Variants in SMCHD1 observed in about 807,000 individuals in gnomAD.
The protein encoded by SMCHD1 is structural maintenance of chromosomes flexible hinge domain containing 1.
In SMCHD1, 78 loss-of-function variants were observed where a neutral mutation model predicts 254.7. The ratio of observed to expected loss-of-function variants is 0.31; its 90% CI spans 0.26 to 0.37. The LOEUF is 0.37. SMCHD1 is among the 10% of genes least tolerant of loss of function. SMCHD1 has a pLI of 1.00. For synonymous variants in SMCHD1, 766 were observed against 794.9 expected (o/e 0.96, Z 0.61); for missense variants, 1,840 against 2,408.1 (o/e 0.76, Z 4.94).
chr18:2,738,384 C>G lies in SMCHD1; in HGVS notation c.3277-13C>G, dbSNP rs1192315421. The G allele has an allele frequency of 1.9e-6, 3 of 1,565,846 alleles. No homozygotes were observed. The South Asian group carries it at 3.5e-5, about 18-fold the overall frequency. On this transcript the variant is annotated splice_polypyrimidine_tract_variant and intron_variant, in intron 25 of 47. Coordinates refer to ENST00000320876, the MANE Select transcript of SMCHD1 (RefSeq NM_015295.3). Reference sequence around the variant, plus strand: ...GAAGCTTTATTATTGTTAAATATCTCTTTTTCTCCTAGGTTAATTGGACTC... The same window carrying G: ...GAAGCTTTATTATTGTTAAATATCTGTTTTTCTCCTAGGTTAATTGGACTC...
intron 17 of SMCHD1, among the ~76,000 whole-genome samples, chr18:2,710,968 T>G (rs572563185): frequency 1.1e-4 from 16 of 152,158 alleles, no homozygotes; most frequent in Non-Finnish European, 1.6e-4. Context: ...GTTGATTGGT[T>G]GTTTTTTGTT....
At position 2,793,656 on chromosome 18, in the gene SMCHD1, C is replaced by CAAAAAAAAAAAA. The variant is rs1277905569; in HGVS notation, c.5720-2289_5720-2278dup. 1.2e-3 allele frequency among the ~76,000 whole-genome samples: 53 copies of CAAAAAAAAAAAA among 43,840 alleles called. 3 individuals carry two copies. The highest frequency in any genetic ancestry group is 3.5e-3 in the African/African-American group (37 of 10,454). 28.8% of individuals were successfully genotyped at this position (43,840 alleles called of 152,430 possible). On this transcript the variant is annotated intron_variant, in intron 45 of 47. Coordinates refer to ENST00000320876, the MANE Select transcript of SMCHD1 (RefSeq NM_015295.3). The stretch of plus-strand genomic sequence containing the variant: ...CTCCAGCCTGGGCGAGACTCCGTCT[C>CAAAAAAAAAAAA]AAAAAAAAAAAAAAAGAAAGAAAAC...
At chr18:2,711,481 CT>C (rs752950626) in intron 17 of SMCHD1, among the ~76,000 whole-genome samples, 83 of 112,458 alleles carry the variant, frequency 7.4e-4, no homozygotes, top group African/African-American at 1.7e-3. Context: ...GGATGTTTGT[CT>C]TTTTTTTTTT....
intron 14 of SMCHD1, 148 bp from the exon 15 acceptor site, chr18:2,706,213 CATT>C (rs1277302503): frequency 2.0e-6 from 1 of 507,128 alleles, no homozygotes; most frequent in African/African-American, 2.0e-5. Flanking sequence ...TATAAACAAA[CATT>C]GTGGTGTAAC....
intron 5 of SMCHD1, among the ~76,000 whole-genome samples, chr18:2,681,082 A>G (rs551382759): frequency 6.6e-6 from 1 of 152,252 alleles, no homozygotes; most frequent in East Asian, 1.9e-4. Flanking sequence ...CTTATGCAAC[A>G]TGAGAACCCA....
chr18:2,747,081 A>G (rs941408438), intron 29 of SMCHD1, among the ~76,000 whole-genome samples: 1 of 152,224 alleles, frequency 6.6e-6, no homozygotes, highest in Admixed American at 6.5e-5. Context: ...GCCAATGCTA[A>G]ATCTGAGAAC....
intron 37 of SMCHD1, among the ~76,000 whole-genome samples, chr18:2,768,166 A>T (rs1013676356): frequency 1.1e-4 from 17 of 151,058 alleles, no homozygotes; most frequent in Non-Finnish European, 2.2e-4. Context: ...AAATCAATTA[A>T]AAAAAAAAGA....
intron 25 of SMCHD1, among the ~76,000 whole-genome samples, chr18:2,737,447 G>A (rs1171002420): frequency 6.6e-6 from 1 of 152,166 alleles, no homozygotes; most frequent in African/African-American, 2.4e-5. Context: ...AAGGCCAGAT[G>A]TGGTGGCTCA....
intron 45 of SMCHD1, among the ~76,000 whole-genome samples, chr18:2,795,333 A>T (rs1402477932): frequency 6.6e-6 from 1 of 152,224 alleles, no homozygotes; most frequent in African/African-American, 2.4e-5. Flanking sequence ...TGCTGGGATT[A>T]CAGGCGTGAA....
chr18:2,724,092 G>T (rs984210261), intron 20 of SMCHD1, among the ~76,000 whole-genome samples: 1 of 148,870 alleles, frequency 6.7e-6, no homozygotes, highest in African/African-American at 2.5e-5. Context: ...GAAAGTAGGT[G>T]TATATGTTTA....
chr18:2,796,005 C>T lies in SMCHD1; in HGVS notation c.5776C>T (p.Leu1926Phe). 6.3e-7 allele frequency: 1 copy of T among 1,597,814 alleles called. No homozygotes were observed. Among genetic ancestry groups the T allele is most frequent in the African/African-American group, 1.3e-5 (1 of 74,870 alleles). The part of the protein sequence containing the change: ...VCKLDSVNKD[L>F]NSQLEYLRTP... ...CAAACTAGACAGTGTGAATAAGGAT[C>T]TTAACAGTCAATTAGAGTACCTTCG... Residue 1926 changes from leucine (L) to phenylalanine (F), a missense_variant, in exon 46 of 48, where the codon CTT (leucine) becomes TTT (phenylalanine). Coordinates refer to ENST00000320876, the MANE Select transcript of SMCHD1 (RefSeq NM_015295.3).
At chr18:2,704,263 A>G (rs2074465341) in intron 13 of SMCHD1, among the ~76,000 whole-genome samples, 1 of 152,188 alleles carries the variant, frequency 6.6e-6, no homozygotes, top group East Asian at 1.9e-4. Flanking sequence ...AACTATTGCC[A>G]GAGGCTCAAT....
chr18:2,664,112 A>C (rs2073371674), intron 1 of SMCHD1, among the ~76,000 whole-genome samples: 1 of 152,186 alleles, frequency 6.6e-6, no homozygotes, highest in African/African-American at 2.4e-5. Context: ...TCCAGATTCA[A>C]GTTAATAGGA....
chr18:2,679,943 T>C (rs2073887521), intron 5 of SMCHD1, among the ~76,000 whole-genome samples: 1 of 152,142 alleles, frequency 6.6e-6, no homozygotes, highest in African/African-American at 2.4e-5. Context: ...TACCTTCAAG[T>C]TTATGGATTC....
Position 2,771,604 on chromosome 18 carries a change from C to A in SMCHD1, c.5038C>A (p.Pro1680Thr). 1 of 1,563,596 alleles carries A rather than the reference C, an allele frequency of 6.4e-7. No individual in the cohort carries two copies. Among genetic ancestry groups the A allele is most frequent in the South Asian group, 1.2e-5 (1 of 80,890 alleles). ...ACTAAAAATACATAATATTGACATT[C>A]CTACAACACAACAGGTACAGCTTCC... is the stretch of plus-strand genomic sequence containing the variant. ...NELKIHNIDI[P>T]TTQQVPHIEA... Residue 1680 changes from proline (P) to threonine (T), a missense_variant, in exon 40 of 48, where the codon CCT becomes ACT. Physicochemically the swap from Pro to Thr is conservative, Grantham distance 38. This residue lies in a region of SMCHD1 where 881 missense variants were observed against 1,009.5 expected (regional missense o/e 0.87). Transcript: ENST00000320876.
intron 19 of SMCHD1, among the ~76,000 whole-genome samples, chr18:2,720,586 G>C (rs2074903610): frequency 6.6e-6 from 1 of 152,118 alleles, no homozygotes; most frequent in South Asian, 2.1e-4. Flanking sequence ...TGGCTATTCA[G>C]ATTCCCCGGA....
intron 34 of SMCHD1, among the ~76,000 whole-genome samples, chr18:2,754,116 T>C (rs184385682): frequency 6.6e-6 from 1 of 152,352 alleles, no homozygotes; most frequent in East Asian, 1.9e-4. Flanking sequence ...TGTGGCTTGC[T>C]TTCTCATTTT....
chr18:2,796,573 G>T, intron 47 of SMCHD1, 52 bp downstream of exon 47: 1 of 1,200,990 alleles, frequency 8.3e-7, no homozygotes, highest in Non-Finnish European at 1.2e-6. Context: ...CAAAGTTCTT[G>T]GGTCTCATGA....
intron 3 of SMCHD1, among the ~76,000 whole-genome samples, chr18:2,668,948 C>G (rs1363732429): frequency 1.3e-5 from 2 of 151,812 alleles, no homozygotes; most frequent in Non-Finnish European, 2.9e-5. Flanking sequence ...GACCATAGCA[C>G]ACTGTAGCCT....
Sources: allele counts gnomAD v4.1 joint callset (sites outside exome capture counted in the v4.1 genomes callset), GRCh38; gene constraint gnomAD v4.1.1; regional missense constraint gnomAD v4.1.1; transcripts MANE v1.5; gene names NCBI Gene and HGNC (gene_info 2026-07-23, HGNC 2026-07-21).